Variants in IGF2BP1 observed in about 807,000 individuals in gnomAD.
The protein encoded by IGF2BP1 is insulin like growth factor 2 mRNA binding protein 1, also known as insulin-like growth factor 2 mRNA-binding protein 1.
IGF2BP1 carries 11 observed loss-of-function variants against 74.9 expected under a neutral mutation model. The ratio of observed to expected loss-of-function variants is 0.15; its 90% CI spans 0.09 to 0.24. The LOEUF (loss-of-function observed/expected upper bound fraction) is 0.24. IGF2BP1 is among the 10% of genes least tolerant of loss of function. The pLI, the probability that IGF2BP1 is intolerant of heterozygous loss-of-function variation, is 1.00. For missense variants in IGF2BP1, 440 were observed against 757.4 expected, an observed-to-expected ratio of 0.58 and a Z score of 4.92; for synonymous variants, 287 against 281.8, an observed-to-expected ratio of 1.02 and a Z score of -0.18.
intron 2 of IGF2BP1, among the ~76,000 whole-genome samples, chr17:49,019,947 TATTTATATACACAC>T (rs1449252102): frequency 5.3e-5 from 2 of 37,832 alleles, no homozygotes; most frequent in Non-Finnish European, 1.0e-4. Flanking sequence ...TATATATATA[TATTTATATACACAC>T]ACACACACAC....
Position 49,044,029 on chromosome 17 carries a change from C to T in IGF2BP1, c.1263C>T (p.Ile421=), listed in dbSNP as rs773375317. ...CCGCCCAGGCAGTGGGCGCCATCAT[C>T]GGCAAGAAGGGGCAGCACATCAAAC... ...FIPAQAVGAI[I]GKKGQHIKQL... Residue 421 remains isoleucine (I), a synonymous_variant, in exon 11 of 15, where the codon ATC becomes ATT. Transcript: ENST00000290341. 94 of 1,614,136 alleles carry T rather than the reference C, an allele frequency of 5.8e-5. 1 individual carries two copies. In the South Asian group the frequency reaches 6.9e-4, roughly 12 times the overall value.
At chr17:49,019,934 A>T (rs1245646695) in intron 2 of IGF2BP1, among the ~76,000 whole-genome samples, 1 of 61,788 alleles carries the variant, frequency 1.6e-5, no homozygotes, top group African/African-American at 8.7e-5. Flanking sequence ...ATATATATAT[A>T]TATATATATA....
rs1163646328 is a variant in IGF2BP1 at position 49,042,257 on chromosome 17, C to A, written c.957C>A (p.Thr319=). The A allele has an allele frequency of 6.2e-7, 1 of 1,614,032 alleles. No individual in the cohort carries two copies. The highest frequency in any genetic ancestry group is 2.2e-5 in the East Asian group (1 of 44,904). ...KITISSLQDL[T]LYNPERTITV... ...TTTCTGCCAGGTTGCAAGACCTTACCCTTTACAACCCTGAGAGGACCATCA... is the reference window on the plus strand; with the variant it reads ...TTTCTGCCAGGTTGCAAGACCTTACACTTTACAACCCTGAGAGGACCATCA... Residue 319 remains threonine (T), a synonymous_variant, in exon 9 of 15, where the codon ACC becomes ACA. Coordinates refer to ENST00000290341, the MANE Select transcript of IGF2BP1 (RefSeq NM_006546.4).
intron 5 of IGF2BP1, among the ~76,000 whole-genome samples, chr17:49,034,760 A>C (rs796789722): frequency 1.4e-5 from 2 of 139,984 alleles, no homozygotes; most frequent in African/African-American, 5.8e-5. Context: ...AAAAAACAAA[A>C]AAAACAAAAA....
intron 2 of IGF2BP1, chr17:49,013,989 A>G (rs1438668234): frequency 6.6e-6 from 1 of 152,190 alleles, no homozygotes; most frequent in Admixed American, 6.5e-5. Flanking sequence ...GCCTCAGCCC[A>G]CCCAGAGGCC....
At chr17:48,998,622 C>G (rs1156947664) in intron 1 of IGF2BP1, among the ~76,000 whole-genome samples, 2 of 152,172 alleles carry the variant, frequency 1.3e-5, no homozygotes, top group African/African-American at 2.4e-5. Flanking sequence ...TCCGCTCCCC[C>G]AGGTCCACCC....
chr17:48,996,986 C>G (rs945979106), upstream of IGF2BP1, among the ~76,000 whole-genome samples: 1 of 152,190 alleles, frequency 6.6e-6, no homozygotes, highest in African/African-American at 2.4e-5. Context: ...TCGGCCGTCC[C>G]CCGCCTGTCA....
chr17:49,045,972 G>C lies in IGF2BP1; in HGVS notation c.1478G>C (p.Arg493Pro). The C allele has an allele frequency of 6.2e-7, 1 of 1,614,146 alleles. No homozygotes were observed. ...KEEVKLETHIRVPASAAGRVI... is the reference protein window; with the variant it reads ...KEEVKLETHIPVPASAAGRVI... ...GAAGTGAAGCTGGAGACCCACATACGTGTGCCAGCATCAGCAGCTGGCCGG... is the reference window on the plus strand; with the variant it reads ...GAAGTGAAGCTGGAGACCCACATACCTGTGCCAGCATCAGCAGCTGGCCGG... Residue 493 changes from arginine to proline, a missense_variant, in exon 13 of 15, where the codon CGT (arginine) becomes CCT (proline). Physicochemically the swap from Arg to Pro is moderately radical, Grantham distance 103. Coordinates refer to ENST00000290341, the MANE Select transcript of IGF2BP1 (RefSeq NM_006546.4).
rs761776197 is a variant in IGF2BP1 at position 49,044,006 on chromosome 17, G to A, written c.1240G>A (p.Ala414Thr). The A allele has an allele frequency of 1.8e-5, 29 of 1,613,944 alleles. No individual in the cohort carries two copies. Among genetic ancestry groups the A allele is most frequent in the African/African-American group, 1.1e-4 (8 of 74,914 alleles). Residue 414 changes from alanine to threonine, a missense_variant, in exon 11 of 15, where the codon GCC becomes ACC. By Grantham distance (58) the Ala-to-Thr change is moderately conservative. This residue lies in a region of IGF2BP1 where 117 missense variants were observed against 237.2 expected (regional missense o/e 0.49). Coordinates refer to ENST00000290341, the MANE Select transcript of IGF2BP1 (RefSeq NM_006546.4). Reference protein sequence around the residue: ...EQEMVQVFIPAQAVGAIIGKK... With the variant: ...EQEMVQVFIPTQAVGAIIGKK... Reference sequence around the variant, plus strand: ...GGAGATGGTGCAGGTGTTTATCCCCGCCCAGGCAGTGGGCGCCATCATCGG... The same window carrying A: ...GGAGATGGTGCAGGTGTTTATCCCCACCCAGGCAGTGGGCGCCATCATCGG...
At chr17:48,999,479 G>T (rs893789502) in intron 2 of IGF2BP1, among the ~76,000 whole-genome samples, 1 of 152,046 alleles carries the variant, frequency 6.6e-6, no homozygotes, top group East Asian at 1.9e-4. Flanking sequence ...TCGTGGGGCC[G>T]TTTTTTGTGG....
chr17:49,010,864 G>A (rs539043496), intron 2 of IGF2BP1, among the ~76,000 whole-genome samples: 59 of 152,030 alleles, frequency 3.9e-4, no homozygotes, highest in Non-Finnish European at 7.4e-4. Context: ...AATAGAGGAG[G>A]GAGACTTTAG....
At chr17:49,006,435 CCGT>C (rs939182282) in intron 2 of IGF2BP1, among the ~76,000 whole-genome samples, 31 of 152,224 alleles carry the variant, frequency 2.0e-4, no homozygotes, top group African/African-American at 7.0e-4. Flanking sequence ...AGCTCAATTT[CCGT>C]AACTGTAAAG....
intron 2 of IGF2BP1, among the ~76,000 whole-genome samples, chr17:49,011,430 C>A (rs2041618546): frequency 6.6e-6 from 1 of 152,168 alleles, no homozygotes; most frequent in Admixed American, 6.5e-5. Context: ...TGTTACTTCA[C>A]CGAATTTCCC....
At chr17:49,025,836 TTTTC>T (rs1216821718) in intron 3 of IGF2BP1, among the ~76,000 whole-genome samples, 170 bp downstream of exon 3, 2 of 143,786 alleles carry the variant, frequency 1.4e-5, no homozygotes, top group South Asian at 2.1e-4. Flanking sequence ...CCTTTCTTCT[TTTTC>T]TTTCTTTCTT....
In IGF2BP1 at chr17:49,038,463, C is replaced by A. The variant is rs1395395295; in HGVS notation, c.683+14C>A. ...GACCCAGTCCAAGTGAGTCTTGGCT[C>A]TTGGGGAATGGAGGTTGGGTGCTAG... On this transcript the variant is annotated intron_variant, in intron 6 of 14. Coordinates refer to ENST00000290341, the MANE Select transcript of IGF2BP1 (RefSeq NM_006546.4). The A allele has an allele frequency of 1.4e-6, 2 of 1,466,208 alleles. No homozygotes were observed. Among genetic ancestry groups the A allele is most frequent in the Non-Finnish European group, 1.8e-6 (2 of 1,101,846 alleles). The allele number at this position is 1,466,208 out of a possible 1,614,324, so 90.8% of individuals were successfully genotyped here.
Position 49,046,299 on chromosome 17 carries a change from G to A in IGF2BP1, c.1567G>A (p.Val523Ile). 1.2e-6 allele frequency: 2 copies of A among 1,614,138 alleles called. No homozygotes were observed. Among genetic ancestry groups the A allele is most frequent in the Non-Finnish European group, 1.7e-6 (2 of 1,180,020 alleles). Reference protein sequence around the residue: ...LQNLTAAEVVVPRDQTPDEND... With the variant: ...LQNLTAAEVVIPRDQTPDEND... ...GAATTTGACGGCAGCTGAGGTGGTA[G>A]TACCAAGAGACCAGACCCCTGATGA... is the stretch of plus-strand genomic sequence containing the variant. The change falls in exon 14 of 15, where the codon GTA becomes ATA. Residue 523 changes from valine (V) to isoleucine (I), a missense_variant. Around this residue, in one of 5 missense-constraint regions of IGF2BP1, gnomAD observed 117 missense variants for 237.2 expected, o/e 0.49. Transcript: ENST00000290341.
At position 49,025,715 on chromosome 17, in the gene IGF2BP1, A is replaced by G. The variant is rs539404594; in HGVS notation, c.285+49A>G. On this transcript the variant is annotated intron_variant, in intron 3 of 14. Transcript: ENST00000290341. ...AATGGAGTGGGATAGTGGAGCCTGG[A>G]AAGTACGTCTGGACTAGCTGGAGTT... The G allele has an allele frequency of 1.1e-5, 17 of 1,557,462 alleles. No homozygotes were observed. In the Admixed American group the frequency reaches 2.9e-4, roughly 26 times the overall value.
chr17:49,023,920 C>CTTT (rs34560426), intron 2 of IGF2BP1, among the ~76,000 whole-genome samples: 3 of 138,428 alleles, frequency 2.2e-5, no homozygotes, highest in African/African-American at 8.0e-5. Flanking sequence ...GGAAAACTAC[C>CTTT]TTTTTTTTTT....
chr17:49,024,587 C>T (rs2144044994), intron 2 of IGF2BP1, among the ~76,000 whole-genome samples: 1 of 152,212 alleles, frequency 6.6e-6, no homozygotes, highest in Admixed American at 6.5e-5. Flanking sequence ...CATCACCTAC[C>T]ACCCTACCAC....
Sources: allele counts gnomAD v4.1 joint callset (sites outside exome capture counted in the v4.1 genomes callset), GRCh38; gene constraint gnomAD v4.1.1; regional missense constraint gnomAD v4.1.1; transcripts MANE v1.5; gene names NCBI Gene and HGNC (gene_info 2026-07-23, HGNC 2026-07-21).